Variants in CCSER2 observed in about 807,000 individuals in gnomAD.
CCSER2 encodes the protein coiled-coil serine rich protein 2.
In CCSER2, 46 loss-of-function variants were observed where a neutral mutation model predicts 92.3. The observed-to-expected ratio is 0.50, with a 90% CI of 0.39 to 0.64. The LOEUF is 0.64. Ranked by LOEUF, CCSER2 falls within the 30% of genes least tolerant of loss-of-function variation. The pLI, the probability that CCSER2 is intolerant of heterozygous loss-of-function variation, is 0.00. For synonymous variants in CCSER2, 433 were observed against 431.4 expected (o/e 1.00, Z -0.04); for missense variants, 1,244 against 1,238.9 (o/e 1.00, Z -0.06).
At position 84,514,178 on chromosome 10, in the gene CCSER2, A is replaced by G. The variant is rs1160163592; in HGVS notation, c.3055A>G (p.Ile1019Val). ...IPRPLTQRKE[I>V]MQNPNGNLHS... is the part of the protein sequence containing the mutation. ...AAGGCCACTAACACAACGAAAAGAAATCATGCAGAATCCAAATGGCAATTT... is the reference window on the plus strand; with the variant it reads ...AAGGCCACTAACACAACGAAAAGAAGTCATGCAGAATCCAAATGGCAATTT... Residue 1019 changes from isoleucine to valine, a missense_variant, in exon 10 of 10, where the codon ATC becomes GTC. By Grantham distance (29) the Ile-to-Val change is conservative. Coordinates refer to ENST00000372088, the MANE Select transcript of CCSER2 (RefSeq NM_001284240.2). 6.5e-7 allele frequency: 1 copy of G among 1,536,396 alleles called. No individual in the cohort carries two copies. Among genetic ancestry groups the G allele is most frequent in the Non-Finnish European group, 8.7e-7 (1 of 1,146,956 alleles).
intron 3 of CCSER2, among the ~76,000 whole-genome samples, chr10:84,396,833 G>C (rs2133291406): frequency 6.6e-6 from 1 of 152,076 alleles, no homozygotes; most frequent in South Asian, 2.1e-4. Context: ...CACCACACCT[G>C]GCCGAGATCA....
chr10:84,492,202 C>T (rs977233112), intron 9 of CCSER2, among the ~76,000 whole-genome samples: 18 of 151,866 alleles, frequency 1.2e-4, no homozygotes, highest in Middle Eastern at 3.4e-3. Context: ...TGGCATTATC[C>T]CGGGAGGTGG....
At chr10:84,344,716 A>T (rs1589399286) in intron 1 of CCSER2, among the ~76,000 whole-genome samples, 1 of 152,152 alleles carries the variant, frequency 6.6e-6, no homozygotes, top group Non-Finnish European at 1.5e-5. Flanking sequence ...AGGAGTCCTG[A>T]AAGAGCATCT....
At chr10:84,333,887 C>T (rs1843700953) in intron 1 of CCSER2, among the ~76,000 whole-genome samples, 1 of 152,198 alleles carries the variant, frequency 6.6e-6, no homozygotes, top group Non-Finnish European at 1.5e-5. Context: ...TGTATTGTAC[C>T]TATTCTAGTA....
intron 9 of CCSER2, chr10:84,499,797 A>G (rs1848627517): frequency 2.8e-6 from 4 of 1,449,114 alleles, no homozygotes; most frequent in Non-Finnish European, 3.9e-6. Flanking sequence ...TTAAAAGTAA[A>G]ACAAAGTATG....
At chr10:84,459,586 A>C (rs1589726439) in intron 6 of CCSER2, among the ~76,000 whole-genome samples, 1 of 152,104 alleles carries the variant, frequency 6.6e-6, no homozygotes, top group East Asian at 1.9e-4. Context: ...GCAGTGGCAC[A>C]GTCATGACTG....
At chr10:84,457,558 A>G (rs1330584373) in intron 6 of CCSER2, among the ~76,000 whole-genome samples, 5 of 116,224 alleles carry the variant, frequency 4.3e-5, no homozygotes, top group Admixed American at 1.2e-4. Flanking sequence ...GTATATTATT[A>G]TATATAAATT....
At chr10:84,375,753 C>T (rs143582592) in intron 3 of CCSER2, among the ~76,000 whole-genome samples, 101 of 150,966 alleles carry the variant, frequency 6.7e-4, no homozygotes, top group Middle Eastern at 3.4e-3. Context: ...TTTCTTTTGA[C>T]TAGTGAGTTT....
Position 84,348,347 on chromosome 10 carries a change from C to T in CCSER2, c.-40+19539C>T, listed in dbSNP as rs1352230296. Among the ~76,000 whole-genome samples the T allele has an allele frequency of 4.6e-5, 7 of 152,186 alleles. No homozygotes were observed. The East Asian group carries it at 1.4e-3, about 29-fold the overall frequency. On this transcript the variant is annotated intron_variant, in intron 1 of 9. Transcript: ENST00000372088. ...CGCGCCTGCAATCGCAGGCACTCGG[C>T]AGGCTGAGGCAGGAGAATCAGGCAG...
At chr10:84,341,151 C>G (rs80177534) in intron 1 of CCSER2, among the ~76,000 whole-genome samples, 1 of 150,050 alleles carries the variant, frequency 6.7e-6, no homozygotes, top group Admixed American at 6.7e-5. Flanking sequence ...AGTGATGTGC[C>G]CTCCCGAGTA....
At chr10:84,362,997 C>T (rs1021878811) in intron 1 of CCSER2, among the ~76,000 whole-genome samples, 1 of 146,740 alleles carries the variant, frequency 6.8e-6, no homozygotes, top group Non-Finnish European at 1.5e-5. Context: ...CCACCACGCC[C>T]AGCTAATTTT....
intron 6 of CCSER2, among the ~76,000 whole-genome samples, chr10:84,448,715 C>G (rs1845081334): frequency 6.6e-6 from 1 of 152,114 alleles, no homozygotes; most frequent in Admixed American, 6.5e-5. Flanking sequence ...GATAAAGTTC[C>G]TTCATTTCCC....
At chr10:84,512,968 C>T (rs1471011805) in intron 9 of CCSER2, among the ~76,000 whole-genome samples, 1 of 152,170 alleles carries the variant, frequency 6.6e-6, no homozygotes, top group Admixed American at 6.6e-5. Context: ...TCTTGTTTAT[C>T]TGCTGGTGCT....
chr10:84,483,944 C>G (rs1374195302), intron 9 of CCSER2, among the ~76,000 whole-genome samples: 2 of 123,906 alleles, frequency 1.6e-5, no homozygotes, highest in African/African-American at 5.9e-5. Context: ...CCCACCACAC[C>G]CGGCTAATTT....
chr10:84,496,932 G>T (rs1848487053), intron 9 of CCSER2, among the ~76,000 whole-genome samples: 1 of 152,164 alleles, frequency 6.6e-6, no homozygotes, highest in South Asian at 2.1e-4. Flanking sequence ...CAGGAAAAGG[G>T]AGAAGTATGT....
Position 84,455,886 on chromosome 10 carries a change from T to G in CCSER2, c.2065-8047T>G, listed in dbSNP as rs1165054747. On this transcript the variant is annotated intron_variant, in intron 6 of 9. Transcript: ENST00000372088. ...GCAACCACAGCATCTGGCTTTTCAT[T>G]ATCAAGAAGTTCTGCTTTCTTCTAT... The G allele has an allele frequency of 5.7e-6, 4 of 704,644 alleles. No homozygotes were observed. The Admixed American group carries it at 7.1e-5, about 13-fold the overall frequency. The allele number at this position is 704,644 out of a possible 1,614,324, so 43.6% of individuals were successfully genotyped here. A position where few individuals can be genotyped will look rare whatever the true frequency, so the allele number is the denominator to read the frequency against.
chr10:84,397,509 A>C (rs1309992573), intron 3 of CCSER2, among the ~76,000 whole-genome samples: 1 of 152,200 alleles, frequency 6.6e-6, no homozygotes. Context: ...CACTCAATAC[A>C]TTCATTTTCT....
intron 1 of CCSER2, among the ~76,000 whole-genome samples, chr10:84,335,226 CTCTTTTTTTTTTTTT>C (rs72203960): frequency 0.032 from 3,094 of 95,220 alleles, 177 homozygotes; most frequent in Admixed American, 0.13. Context: ...TTCTCTCTCT[CTCTTTTTTTTTTTTT>C]TTTTTTTTTT....
At chr10:84,449,480 T>C (rs1047572581) in intron 6 of CCSER2, among the ~76,000 whole-genome samples, 3 of 152,212 alleles carry the variant, frequency 2.0e-5, no homozygotes, top group Admixed American at 6.5e-5. Flanking sequence ...TGTGCTGCAG[T>C]TTCCTAGAAA....
Sources: gnomAD v4.1 joint callset for allele counts (sites outside exome capture counted in the v4.1 genomes callset) on GRCh38, gnomAD v4.1.1 for gene constraint, MANE v1.5 for transcripts, NCBI Gene and HGNC (gene_info 2026-07-23, HGNC 2026-07-21) for gene names.